The following TBC1D14 variants were observed in gnomAD, a reference collection of about 807,000 sequenced individuals.
The protein encoded by TBC1D14 is TBC1 domain family member 14, also known as TBC1 domain family, member 14.
In TBC1D14, 26 loss-of-function variants were observed where a neutral mutation model predicts 79.0. The observed-to-expected ratio is 0.33, with a 90% CI of 0.24 to 0.46. TBC1D14 has a LOEUF of 0.46. TBC1D14 is among the 20% of genes least tolerant of loss of function. TBC1D14 has a pLI of 1.00. For missense variants in TBC1D14, 769 were observed against 887.6 expected (o/e 0.87, Z 1.70); for synonymous variants, 394 against 349.9 (o/e 1.13, Z -1.40).
At chr4:7,016,607 G>T (rs1023223920) in intron 12 of TBC1D14, among the ~76,000 whole-genome samples, 1 of 152,224 alleles carries the variant, frequency 6.6e-6, no homozygotes, top group South Asian at 2.1e-4. Flanking sequence ...AAAAGGAAAT[G>T]TGTTTTAAAT....
rs773527894 is a variant in TBC1D14, at chr4:7,001,168, A to G, written c.1187A>G (p.Asp396Gly). The G allele has an allele frequency of 2.5e-6, 4 of 1,613,948 alleles. No individual in the cohort carries two copies. Among genetic ancestry groups the G allele is most frequent in the Admixed American group, 1.7e-5 (1 of 60,020 alleles). The change falls in exon 7 of 14, where the codon GAT becomes GGT. Residue 396 changes from aspartate to glycine, a missense_variant. Coordinates refer to ENST00000409757, the MANE Select transcript of TBC1D14 (RefSeq NM_020773.3). ...AGGTGGTGCTCTAGAAAAGTTCGAG[A>G]TTTATGGTGGCAGGGAATCCCTCCA... Reference protein sequence around the residue: ...ETMWCSRKVRDLWWQGIPPSV... With the variant: ...ETMWCSRKVRGLWWQGIPPSV...
chr4:6,923,479 G>A lies in TBC1D14; in HGVS notation c.90G>A (p.Leu30=). The change falls in exon 2 of 14, where the codon CTG becomes CTA. Residue 30 remains leucine, a synonymous_variant. Coordinates refer to ENST00000409757, the MANE Select transcript of TBC1D14 (RefSeq NM_020773.3). The stretch of plus-strand genomic sequence containing the variant: ...GACCAGGAAACCCCCTTCAGAACCT[G>A]CAACACGTCAATCTCAAGGCGCCCC... The part of the protein sequence containing the change: ...DGRPGNPLQN[L]QHVNLKAPRL... The A allele has an allele frequency of 1.2e-6, 2 of 1,614,174 alleles. No individual in the cohort carries two copies. Among genetic ancestry groups the A allele is most frequent in the Admixed American group, 1.7e-5 (1 of 60,022 alleles).
intron 1 of TBC1D14, among the ~76,000 whole-genome samples, chr4:6,912,347 T>A (rs1405076292): frequency 2.0e-5 from 3 of 151,932 alleles, no homozygotes; most frequent in African/African-American, 7.3e-5. Context: ...ACCACTGCAC[T>A]CCATCCTGGT....
chr4:6,929,707 A>T (rs984325471), intron 2 of TBC1D14, among the ~76,000 whole-genome samples: 1 of 152,246 alleles, frequency 6.6e-6, no homozygotes, highest in African/African-American at 2.4e-5. Flanking sequence ...AGCCTGTCAC[A>T]GCCAGACTGC....
At chr4:6,973,948 T>A (rs1213267313) in intron 3 of TBC1D14, among the ~76,000 whole-genome samples, 1 of 152,092 alleles carries the variant, frequency 6.6e-6, no homozygotes, top group Non-Finnish European at 1.5e-5. Context: ...CTCAGCCTCC[T>A]GAGTAGCTGG....
intron 2 of TBC1D14, among the ~76,000 whole-genome samples, chr4:6,937,011 G>A (rs1191427671): frequency 1.3e-5 from 2 of 152,130 alleles, no homozygotes; most frequent in Non-Finnish European, 1.5e-5. Flanking sequence ...TCCGCCTTCC[G>A]GGTTCAAGCG....
At chr4:6,954,179 G>A in intron 2 of TBC1D14, 1 of 656,890 alleles carries the variant, frequency 1.5e-6, no homozygotes, top group Non-Finnish European at 2.8e-6. Flanking sequence ...CGCGAGGGGC[G>A]GGGCTCCGAG....
At chr4:7,011,031 T>C (rs1015839479) in intron 11 of TBC1D14, among the ~76,000 whole-genome samples, 1 of 152,202 alleles carries the variant, frequency 6.6e-6, no homozygotes, top group African/African-American at 2.4e-5. Context: ...ACCTGTATTT[T>C]TGAAAATGTA....
chr4:7,005,031 A>G (rs1720036882), intron 8 of TBC1D14, 107 bp downstream of exon 8: 1 of 1,010,532 alleles, frequency 9.9e-7, no homozygotes, highest in Non-Finnish European at 1.5e-6. Context: ...ATTGTTGTGG[A>G]GTCATAAAAA....
chr4:6,950,383 C>G (rs918102103), intron 2 of TBC1D14, among the ~76,000 whole-genome samples: 3 of 152,196 alleles, frequency 2.0e-5, no homozygotes, highest in Non-Finnish European at 4.4e-5. Context: ...TTCTTTCTTT[C>G]AACTCTTACA....
At chr4:6,974,362 G>A (rs1221959856) in intron 3 of TBC1D14, among the ~76,000 whole-genome samples, 1 of 152,174 alleles carries the variant, frequency 6.6e-6, no homozygotes, top group Non-Finnish European at 1.5e-5. Flanking sequence ...CGTGTGGCTA[G>A]AGAACCAGAA....
intron 12 of TBC1D14, among the ~76,000 whole-genome samples, chr4:7,022,834 T>TA (rs1560363633): frequency 6.7e-6 from 1 of 149,374 alleles, no homozygotes; most frequent in African/African-American, 2.5e-5. Flanking sequence ...TTATGTTAAA[T>TA]AAAAAAAAGA....
Position 7,025,074 on chromosome 4 carries a change from G to A in TBC1D14, c.1828G>A (p.Asp610Asn). The A allele has an allele frequency of 3.1e-6, 5 of 1,614,172 alleles. No individual in the cohort carries two copies. Among genetic ancestry groups the A allele is most frequent in the East Asian group, 2.2e-5 (1 of 44,868 alleles). ...TCGTATCTGGGACGTGTTCTGTCGCGATGGGGAAGAGTTCCTGTTCCGCAC... is the reference window on the plus strand; with the variant it reads ...TCGTATCTGGGACGTGTTCTGTCGCAATGGGGAAGAGTTCCTGTTCCGCAC... ...ACRIWDVFCR[D>N]GEEFLFRTAL... Residue 610 changes from aspartate (D) to asparagine (N), a missense_variant, in exon 13 of 14, where the codon GAT (aspartate) becomes AAT (asparagine). Around this residue, in one of 2 missense-constraint regions of TBC1D14, gnomAD observed 367 missense variants for 494.4 expected, o/e 0.74. Coordinates refer to ENST00000409757, the MANE Select transcript of TBC1D14 (RefSeq NM_020773.3).
intron 7 of TBC1D14, among the ~76,000 whole-genome samples, chr4:7,004,010 A>G (rs1014226273): frequency 6.6e-6 from 1 of 151,444 alleles, no homozygotes; most frequent in African/African-American, 2.4e-5. Flanking sequence ...TCCATCTCGG[A>G]AAAAAAAAGA....
intron 2 of TBC1D14, among the ~76,000 whole-genome samples, chr4:6,962,830 G>A (rs1262818110): frequency 6.6e-6 from 1 of 152,130 alleles, no homozygotes; most frequent in Non-Finnish European, 1.5e-5. Flanking sequence ...TTGCACTCCC[G>A]TTACCTGACC....
At chr4:6,946,323 T>G (rs990920595) in intron 2 of TBC1D14, among the ~76,000 whole-genome samples, 4 of 152,108 alleles carry the variant, frequency 2.6e-5, no homozygotes, top group Admixed American at 6.6e-5. Context: ...TGTTATTTAT[T>G]TATTTTACTT....
intron 2 of TBC1D14, among the ~76,000 whole-genome samples, chr4:6,935,896 G>A (rs1349455827): frequency 6.6e-6 from 1 of 152,008 alleles, no homozygotes; most frequent in Non-Finnish European, 1.5e-5. Context: ...CACCCACCTC[G>A]GCCTCCCAAA....
chr4:6,959,808 G>A (rs1453179715), intron 2 of TBC1D14, among the ~76,000 whole-genome samples: 1 of 152,132 alleles, frequency 6.6e-6, no homozygotes, highest in East Asian at 1.9e-4. Flanking sequence ...CCTACCTAAT[G>A]CAACAGGAGT....
intron 2 of TBC1D14, among the ~76,000 whole-genome samples, chr4:6,929,300 A>G (rs1344299925): frequency 6.6e-6 from 1 of 152,134 alleles, no homozygotes; most frequent in Non-Finnish European, 1.5e-5. Flanking sequence ...CATTCTAATC[A>G]AGGTGTTGGG....
Sources: allele counts gnomAD v4.1 joint callset (sites outside exome capture counted in the v4.1 genomes callset), GRCh38; gene constraint gnomAD v4.1.1; regional missense constraint gnomAD v4.1.1; transcripts MANE v1.5; gene names NCBI Gene and HGNC (gene_info 2026-07-23, HGNC 2026-07-21).